HTR2A: variants seen among roughly 807,000 people sequenced by gnomAD.
HTR2A encodes 5-HT2 receptor.
HTR2A carries 14 observed loss-of-function variants against 31.0 expected under a neutral mutation model. The ratio of observed to expected loss-of-function variants is 0.45; its 90% CI spans 0.30 to 0.71. The LOEUF (loss-of-function observed/expected upper bound fraction) is 0.71, where lower values mean the gene tolerates loss of function less well. HTR2A is among the 30% of genes least tolerant of loss of function. The pLI, the probability that HTR2A is intolerant of heterozygous loss-of-function variation, is 0.09. For synonymous variants in HTR2A, 209 were observed against 225.2 expected, an observed-to-expected ratio of 0.93 and a Z score of 0.64; for missense variants, 442 against 573.3, an observed-to-expected ratio of 0.77 and a Z score of 2.34.
chr13:46,887,138 G>A (rs866436717), intron 3 of HTR2A, among the ~76,000 whole-genome samples: 5 of 152,152 alleles, frequency 3.3e-5, no homozygotes, highest in Middle Eastern at 3.4e-3. Flanking sequence ...ATTACCAGGC[G>A]GCCAGGCGCA....
intron 3 of HTR2A, among the ~76,000 whole-genome samples, chr13:46,875,094 T>C (rs1229024563): frequency 6.6e-6 from 1 of 152,224 alleles, no homozygotes; most frequent in Non-Finnish European, 1.5e-5. Context: ...AACTGGGTCA[T>C]GTCCAAAAGT....
chr13:46,863,641 A>G (rs1950798175), intron 3 of HTR2A, among the ~76,000 whole-genome samples: 2 of 76,800 alleles, frequency 2.6e-5, no homozygotes, highest in South Asian at 1.2e-3. Flanking sequence ...AAAAAAAAAA[A>G]AAAAAAAAGA....
chr13:46,863,648 A>G (rs1347179709), intron 3 of HTR2A, among the ~76,000 whole-genome samples: 2 of 112,222 alleles, frequency 1.8e-5, no homozygotes, highest in African/African-American at 6.2e-5. Context: ...AAAAAAAAAA[A>G]AGAAAAAAAA....
intron 3 of HTR2A, among the ~76,000 whole-genome samples, chr13:46,884,153 A>G (rs1325952330): frequency 2.0e-5 from 3 of 152,232 alleles, no homozygotes; most frequent in Non-Finnish European, 2.9e-5. Flanking sequence ...TGGAATAAAA[A>G]TATTTGTGAC....
At chr13:46,893,700 T>C (rs987073965) in intron 2 of HTR2A, among the ~76,000 whole-genome samples, 1 of 152,206 alleles carries the variant, frequency 6.6e-6, no homozygotes, top group Admixed American at 6.5e-5. Flanking sequence ...AAACAAAGTG[T>C]CCTGGTTTTG....
chr13:46,861,791 C>A (rs951064653), intron 3 of HTR2A, among the ~76,000 whole-genome samples: 6 of 152,162 alleles, frequency 3.9e-5, no homozygotes, highest in African/African-American at 1.4e-4. Flanking sequence ...ATCATTTTTA[C>A]CTATCTTACA....
intron 3 of HTR2A, among the ~76,000 whole-genome samples, chr13:46,854,779 G>A (rs1950719158): frequency 6.6e-6 from 1 of 152,120 alleles, no homozygotes; most frequent in Non-Finnish European, 1.5e-5. Flanking sequence ...CCTTTGGCCA[G>A]GAAATCACAG....
rs371333127 is a variant in HTR2A at position 46,844,691 on chromosome 13, C to T, written c.614-9052G>A. ...AATTAAACAAGTATGTATCAGCAAA[C>T]TGGAGCATGAATATAGTGGGAAAAT... On this transcript the variant is annotated intron_variant, in intron 3 of 3. Transcript: ENST00000542664. 1.2e-4 allele frequency among the ~76,000 whole-genome samples: 19 copies of T among 152,260 alleles called. No individual in the cohort carries two copies. The South Asian group carries it at 3.9e-3, about 32-fold the overall frequency.
Position 46,835,634 on chromosome 13 carries a change from A to ATACCTGG in HTR2A, c.618_619insCCAGGTA (p.Ser207ProfsTer19). 1 of 1,606,672 alleles carries ATACCTGG rather than the reference A, an allele frequency of 6.2e-7. No individual in the cohort carries two copies. The highest frequency in any genetic ancestry group is 8.5e-7 in the Non-Finnish European group (1 of 1,175,484). On this transcript the variant is annotated frameshift_variant, in exon 4 of 4. Transcript: ENST00000542664. LOFTEE classifies it high-confidence loss of function. The stretch of plus-strand genomic sequence containing the variant: ...AGCCCAAAGACTGGTATTGGCATGG[A>ATACCTGG]TATACCTGGAGTTGAACAGAAAATG...
intron 3 of HTR2A, among the ~76,000 whole-genome samples, chr13:46,863,477 G>T (rs1236631413): frequency 6.6e-6 from 1 of 151,438 alleles, no homozygotes; most frequent in Non-Finnish European, 1.5e-5. Context: ...ACAAAAATTA[G>T]CTGAGCGTGG....
Position 46,895,793 on chromosome 13 carries a change from G to C in HTR2A, c.114C>G (p.Asn38Lys). ...YSNDFNSGEA[N>K]TSDAFNWTVD... ...CTGTCCAGTTAAATGCATCAGAAGT[G>C]TTAGCTTCTCCGGAGTTAAAGTCAT... The change falls in exon 2 of 4, where the codon AAC becomes AAG. Residue 38 changes from asparagine to lysine, a missense_variant. By Grantham distance (94) the Asn-to-Lys change is moderately conservative. Transcript: ENST00000542664. This position sits in a 1 kb window ranked among gnomAD's most constrained non-coding sequence, Gnocchi z 4.4. 6.2e-7 allele frequency: 1 copy of C among 1,614,040 alleles called. No homozygotes were observed. Among genetic ancestry groups the C allele is most frequent in the Non-Finnish European group, 8.5e-7 (1 of 1,179,898 alleles).
In HTR2A at chr13:46,875,400, A is replaced by C. The variant is rs143970359; in HGVS notation, c.613+16990T>G. Among the ~76,000 whole-genome samples, 470 of 152,362 alleles carry C rather than the reference A, an allele frequency of 3.1e-3. 3 individuals are homozygous for C. The highest frequency in any genetic ancestry group is 0.011 in the African/African-American group (445 of 41,596). Reference sequence around the variant, plus strand: ...TTACCCTAAAGGTTCTTATTGACACAGGCTAATATAAATTGAGCAAAAAGG... The same window carrying C: ...TTACCCTAAAGGTTCTTATTGACACCGGCTAATATAAATTGAGCAAAAAGG... On this transcript the variant is annotated intron_variant, in intron 3 of 3. Coordinates refer to ENST00000542664, the MANE Select transcript of HTR2A (RefSeq NM_000621.5).
intron 3 of HTR2A, among the ~76,000 whole-genome samples, chr13:46,888,592 G>C (rs1025941917): frequency 6.6e-6 from 1 of 152,100 alleles, no homozygotes; most frequent in Non-Finnish European, 1.5e-5. Context: ...ATATTCTAGA[G>C]GAAATTCTTC....
intron 3 of HTR2A, among the ~76,000 whole-genome samples, chr13:46,867,757 G>A (rs1009900581): frequency 1.3e-5 from 2 of 152,154 alleles, no homozygotes; most frequent in Non-Finnish European, 2.9e-5. Context: ...TGGGACTTGT[G>A]CAACTACTGC....
At chr13:46,885,186 A>G (rs1337231106) in intron 3 of HTR2A, among the ~76,000 whole-genome samples, 1 of 152,242 alleles carries the variant, frequency 6.6e-6, no homozygotes, top group Admixed American at 6.5e-5. Flanking sequence ...TACAAGCACT[A>G]TGATGCCATG....
At position 46,832,815 on chromosome 13, in the gene HTR2A, T is replaced by G. The variant is rs1444658081; in HGVS notation, c.*2022A>C. 1 of 152,140 alleles carries G rather than the reference T, an allele frequency of 6.6e-6. No individual in the cohort carries two copies. Among genetic ancestry groups the G allele is most frequent in the African/African-American group, 2.4e-5 (1 of 41,432 alleles). 9.4% of individuals were successfully genotyped at this position (152,140 alleles called of 1,614,324 possible). On this transcript the variant is annotated 3_prime_UTR_variant, in exon 4 of 4. Coordinates refer to ENST00000542664, the MANE Select transcript of HTR2A (RefSeq NM_000621.5). ...CATTCTTTAGTTTTCAAATCTGTATTTTTTTCCCAAAGGTTTAGGGCAAAC... is the reference window on the plus strand; with the variant it reads ...CATTCTTTAGTTTTCAAATCTGTATGTTTTTCCCAAAGGTTTAGGGCAAAC...
Position 46,896,023 on chromosome 13 carries a change from G to C in HTR2A, c.-117C>G. ...TAACACTGAGGCTGGTGTACATGCT[G>C]TTCTCCCGGGGCTGGATTTTTGTCT... On this transcript the variant is annotated 5_prime_UTR_variant, in exon 2 of 4. Coordinates refer to ENST00000542664, the MANE Select transcript of HTR2A (RefSeq NM_000621.5). The C allele has an allele frequency of 1.4e-6, 2 of 1,447,902 alleles. No individual in the cohort carries two copies. Among genetic ancestry groups the C allele is most frequent in the Non-Finnish European group, 1.8e-6 (2 of 1,108,134 alleles). The allele number at this position is 1,447,902 out of a possible 1,614,324, so 89.7% of individuals were successfully genotyped here. A position where few individuals can be genotyped will look rare whatever the true frequency, so the allele number is the denominator to read the frequency against.
chr13:46,863,566 T>C (rs969298802), intron 3 of HTR2A, among the ~76,000 whole-genome samples: 3 of 135,006 alleles, frequency 2.2e-5, no homozygotes, highest in African/African-American at 8.5e-5. Context: ...AAGGCTGCCG[T>C]GAGCTATGAA....
At chr13:46,854,818 T>A (rs1378266044) in intron 3 of HTR2A, among the ~76,000 whole-genome samples, 2 of 152,222 alleles carry the variant, frequency 1.3e-5, no homozygotes, top group African/African-American at 4.8e-5. Context: ...ATGGTGGAAC[T>A]GTGTCCCCTC....
Sources: allele counts gnomAD v4.1 joint callset (sites outside exome capture counted in the v4.1 genomes callset), GRCh38; gene constraint gnomAD v4.1.1; non-coding constraint Gnocchi (gnomAD v3.1); transcripts MANE v1.5; gene names NCBI Gene and HGNC (gene_info 2026-07-23, HGNC 2026-07-21).